KIAA1217: variants seen among roughly 807,000 people sequenced by gnomAD.
KIAA1217 encodes the protein KIAA1217, also known as sickle tail protein homolog.
In KIAA1217, 88 loss-of-function variants were observed where a neutral mutation model predicts 163.9. That is an observed-to-expected ratio of 0.54 (90% CI 0.45 to 0.64). The LOEUF is 0.64. Ranked by LOEUF, KIAA1217 falls within the 30% of genes least tolerant of loss-of-function variation. The pLI is 0.00. For synonymous variants in KIAA1217, 903 were observed against 923.1 expected, an observed-to-expected ratio of 0.98 and a Z score of 0.39; for missense variants, 2,372 against 2,475.0, an observed-to-expected ratio of 0.96 and a Z score of 0.88.
chr10:23,818,269 A>G (rs900614870), intron 1 of KIAA1217, among the ~76,000 whole-genome samples: 1 of 143,542 alleles, frequency 7.0e-6, no homozygotes. Context: ...TATGTAATAT[A>G]TAATATGTTA....
At chr10:23,876,761 T>C (rs1214702668) in intron 1 of KIAA1217, among the ~76,000 whole-genome samples, 1 of 151,986 alleles carries the variant, frequency 6.6e-6, no homozygotes, top group Non-Finnish European at 1.5e-5. Flanking sequence ...TTTCTTGCCT[T>C]TGAAAGTTTT....
chr10:24,252,641 A>G (rs1046495120), intron 2 of KIAA1217, among the ~76,000 whole-genome samples: 1 of 151,458 alleles, frequency 6.6e-6, no homozygotes, highest in Non-Finnish European at 1.5e-5. Flanking sequence ...CAGATTTGGA[A>G]AAAAAAAATA....
chr10:24,492,754 T>G (rs1182696800), intron 6 of KIAA1217, among the ~76,000 whole-genome samples: 1 of 151,878 alleles, frequency 6.6e-6, no homozygotes, highest in African/African-American at 2.4e-5. Context: ...TTGGACAAAA[T>G]TACCCTTGAA....
chr10:24,006,895 T>C (rs926468038), intron 1 of KIAA1217, among the ~76,000 whole-genome samples: 4 of 152,176 alleles, frequency 2.6e-5, no homozygotes, highest in East Asian at 3.9e-4. Flanking sequence ...TGATTCTCAA[T>C]TGGCCTCTCT....
chr10:24,400,749 C>A (rs564380638), intron 3 of KIAA1217, among the ~76,000 whole-genome samples: 98 of 152,034 alleles, frequency 6.4e-4, no homozygotes, highest in African/African-American at 2.3e-3. Flanking sequence ...GGAAATCTCA[C>A]AATCTGAGGA....
At chr10:24,178,618 A>G (rs1296165564) in intron 2 of KIAA1217, among the ~76,000 whole-genome samples, 1 of 152,252 alleles carries the variant, frequency 6.6e-6, no homozygotes, top group Admixed American at 6.5e-5. Context: ...CAGACATAAA[A>G]TAAGTAAAGG....
chr10:24,183,359 A>G (rs2066271234), intron 2 of KIAA1217, among the ~76,000 whole-genome samples: 1 of 152,244 alleles, frequency 6.6e-6, no homozygotes, highest in Non-Finnish European at 1.5e-5. Context: ...AGAGGAAATA[A>G]TGGAAAGCTA....
At chr10:24,477,619 C>A (rs553739278) in intron 6 of KIAA1217, among the ~76,000 whole-genome samples, 150 of 152,290 alleles carry the variant, frequency 9.8e-4, no homozygotes, top group African/African-American at 3.4e-3. Flanking sequence ...TATTTACAAT[C>A]ATAAACACAG....
At chr10:24,251,734 G>A (rs114253189) in intron 2 of KIAA1217, among the ~76,000 whole-genome samples, 1 of 152,088 alleles carries the variant, frequency 6.6e-6, no homozygotes, top group African/African-American at 2.4e-5. Context: ...GGGCACTGTG[G>A]GGAGGTGGAA....
At chr10:24,322,201 G>C (rs185278042) in intron 2 of KIAA1217, among the ~76,000 whole-genome samples, 1 of 152,176 alleles carries the variant, frequency 6.6e-6, no homozygotes, top group African/African-American at 2.4e-5. Flanking sequence ...TGATCCACCC[G>C]CCTCAGCCTC....
intron 1 of KIAA1217, among the ~76,000 whole-genome samples, chr10:23,832,530 G>A (rs1838259386): frequency 6.6e-6 from 1 of 152,134 alleles, no homozygotes. Context: ...GAGTAGGGCT[G>A]AAAGTTCCAA....
At chr10:24,132,083 C>T (rs2063673695) in intron 2 of KIAA1217, among the ~76,000 whole-genome samples, 1 of 152,068 alleles carries the variant, frequency 6.6e-6, no homozygotes, top group Admixed American at 6.6e-5. Context: ...ATTTTGAGGG[C>T]CCCCACCTTC....
Position 23,726,617 on chromosome 10 carries a change from A to T in KIAA1217, c.-321+31383A>T, listed in dbSNP as rs552981863. Among the ~76,000 whole-genome samples, 5 of 152,266 alleles carry T rather than the reference A, an allele frequency of 3.3e-5. No individual in the cohort carries two copies. The East Asian group carries it at 9.7e-4, about 29-fold the overall frequency. On this transcript the variant is annotated intron_variant, in intron 1 of 18. Coordinates refer to the KIAA1217 transcript ENST00000376462. Reference sequence around the variant, plus strand: ...AAACTACCATCAGAGTGAACAGGCAACCTACAGAATGGGAGAAAATTTTTG... The same window carrying T: ...AAACTACCATCAGAGTGAACAGGCATCCTACAGAATGGGAGAAAATTTTTG...
Position 24,100,585 on chromosome 10 carries a change from C to T in KIAA1217, c.-171+93211C>T, listed in dbSNP as rs537598850. Among the ~76,000 whole-genome samples, 54 of 152,300 alleles carry T rather than the reference C, an allele frequency of 3.5e-4. 1 individual carries two copies. Among genetic ancestry groups the T allele is most frequent in the African/African-American group, 1.2e-3 (50 of 41,552 alleles). On this transcript the variant is annotated intron_variant, in intron 2 of 18. Coordinates refer to the KIAA1217 transcript ENST00000376462. ...TCTTATGTAAGACAAGCACTTAATA[C>T]TTAAAGTGAATGTTGCTTTTAGCAA...
intron 2 of KIAA1217, among the ~76,000 whole-genome samples, chr10:24,150,227 G>A (rs1280549648): frequency 6.6e-6 from 1 of 152,122 alleles, no homozygotes; most frequent in East Asian, 1.9e-4. Flanking sequence ...ATGTTGGCCA[G>A]GCTGGTCTTG....
chr10:24,290,853 C>T (rs374889345), intron 2 of KIAA1217, among the ~76,000 whole-genome samples: 1 of 152,076 alleles, frequency 6.6e-6, no homozygotes, highest in Admixed American at 6.5e-5. Context: ...CCACCTGCCT[C>T]GGCCTCCCAA....
chr10:23,730,170 G>A (rs964963469), intron 1 of KIAA1217, among the ~76,000 whole-genome samples: 6 of 152,242 alleles, frequency 3.9e-5, no homozygotes, highest in Admixed American at 6.5e-5. Context: ...CAAAGTGCTG[G>A]GATTACAGGC....
chr10:24,502,240 C>CTTTTTTTTTTTT (rs772404852), intron 9 of KIAA1217, among the ~76,000 whole-genome samples: 305 of 80,596 alleles, frequency 3.8e-3, no homozygotes, highest in Non-Finnish European at 4.6e-3. Context: ...GTCAGCCAAG[C>CTTTTTTTTTTTT]TTTTTTTTTT....
chr10:24,360,514 C>G (rs2049828234), intron 2 of KIAA1217, among the ~76,000 whole-genome samples: 1 of 152,168 alleles, frequency 6.6e-6, no homozygotes, highest in Admixed American at 6.5e-5. Context: ...AGCAGTCAGC[C>G]CATTACAGTT....
Sources: allele counts gnomAD v4.1 joint callset (sites outside exome capture counted in the v4.1 genomes callset), GRCh38; gene constraint gnomAD v4.1.1; transcripts MANE v1.5; gene names NCBI Gene and HGNC (gene_info 2026-07-23, HGNC 2026-07-21).